The following NBAS variants were observed in gnomAD, a reference collection of about 807,000 sequenced individuals.
NBAS encodes the protein NBAS subunit of NRZ tethering complex, also known as NAG/BC035112 fusion.
In NBAS, 219 loss-of-function variants were observed where a neutral mutation model predicts 302.5. The ratio of observed to expected loss-of-function variants is 0.72; its 90% CI spans 0.65 to 0.81. The LOEUF is 0.81. NBAS is among the 30% of genes least tolerant of loss of function. NBAS has a pLI of 0.00. For synonymous variants in NBAS, 1,118 were observed against 1,021.6 expected, an observed-to-expected ratio of 1.09 and a Z score of -1.80; for missense variants, 2,932 against 2,841.6, an observed-to-expected ratio of 1.03 and a Z score of -0.72.
the NBAS span, among the ~76,000 whole-genome samples, chr2:14,900,933 T>C: frequency 6.6e-6 from 1 of 152,224 alleles, no homozygotes; most frequent in Non-Finnish European, 1.5e-5. Context: ...CCTGAATATC[T>C]ATGCCAAGTT....
the NBAS span, among the ~76,000 whole-genome samples, chr2:14,809,381 T>A: frequency 1.3e-5 from 2 of 152,180 alleles, no homozygotes; most frequent in African/African-American, 4.8e-5. Context: ...AGGGACTTGG[T>A]GCCCTGTGTT....
chr2:14,909,600 T>C, the NBAS span, among the ~76,000 whole-genome samples: 1 of 152,200 alleles, frequency 6.6e-6, no homozygotes, highest in Non-Finnish European at 1.5e-5. Flanking sequence ...AATAGGATAT[T>C]TCTATCGTCT....
chr2:15,176,794 T>C (rs758877667), intron 51 of NBAS, among the ~76,000 whole-genome samples: 2 of 152,194 alleles, frequency 1.3e-5, no homozygotes, highest in Non-Finnish European at 2.9e-5. Flanking sequence ...TCAACCTGTA[T>C]ACTCTAGTCA....
At chr2:15,169,158 CCT>C in intron 51 of NBAS, among the ~76,000 whole-genome samples, 1 of 152,256 alleles carries the variant, frequency 6.6e-6, no homozygotes, top group Non-Finnish European at 1.5e-5. Context: ...AACAGAAGAC[CCT>C]CTCTGCAAAC....
chr2:15,437,784 G>A (rs1321858780), intron 21 of NBAS, among the ~76,000 whole-genome samples: 3 of 152,124 alleles, frequency 2.0e-5, no homozygotes, highest in Non-Finnish European at 4.4e-5. Flanking sequence ...CAAAGGTATT[G>A]CTCCTGCCCT....
At chr2:14,792,963 T>G in the NBAS span, among the ~76,000 whole-genome samples, 3 of 152,068 alleles carry the variant, frequency 2.0e-5, no homozygotes, top group African/African-American at 7.2e-5. Flanking sequence ...TAGAAGTAAT[T>G]AAGGTTCAAT....
At chr2:14,851,485 G>A in the NBAS span, among the ~76,000 whole-genome samples, 5 of 146,294 alleles carry the variant, frequency 3.4e-5, no homozygotes, top group Admixed American at 6.7e-5. Context: ...ATTCACAGCC[G>A]AATTCTACCA....
intron 10 of NBAS, among the ~76,000 whole-genome samples, chr2:15,505,551 G>T (rs1160902083): frequency 6.6e-6 from 1 of 152,056 alleles, no homozygotes. Flanking sequence ...GAGGATCCAC[G>T]CCCCCTCCTG....
At chr2:15,512,733 A>G (rs953973674) in intron 9 of NBAS, among the ~76,000 whole-genome samples, 1 of 152,178 alleles carries the variant, frequency 6.6e-6, no homozygotes, top group Admixed American at 6.5e-5. Flanking sequence ...AAAAGGCAAC[A>G]AAATAGATTC....
At chr2:15,533,679 CGTGTGTGTGTGTGTGTGTGTGTGT>C (rs59222907) in intron 9 of NBAS, among the ~76,000 whole-genome samples, 18 of 143,938 alleles carry the variant, frequency 1.3e-4, no homozygotes, top group South Asian at 2.3e-4. Flanking sequence ...GGGGGGTGTG[CGTGTGTGTGTGTGTGTGTGTGTGT>C]GTGTGTGTGT....
At chr2:15,354,002 C>T (rs1673494402) in intron 33 of NBAS, among the ~76,000 whole-genome samples, 1 of 152,132 alleles carries the variant, frequency 6.6e-6, no homozygotes, top group Non-Finnish European at 1.5e-5. Context: ...ATTTGGTGTT[C>T]TGTGAAAAGG....
At chr2:15,455,218 GT>G (rs1355375487) in intron 21 of NBAS, among the ~76,000 whole-genome samples, 3 of 152,162 alleles carry the variant, frequency 2.0e-5, no homozygotes, top group South Asian at 2.1e-4. Flanking sequence ...TATAATTTTT[GT>G]TAGGTTACTA....
the NBAS span, among the ~76,000 whole-genome samples, chr2:14,904,562 TCACA>T: frequency 6.7e-6 from 1 of 148,170 alleles, no homozygotes; most frequent in Non-Finnish European, 1.5e-5. Flanking sequence ...ATAGGCTGTG[TCACA>T]GTCAGCTGTG....
At chr2:15,005,822 C>T in the NBAS span, among the ~76,000 whole-genome samples, 2 of 152,206 alleles carry the variant, frequency 1.3e-5, no homozygotes, top group East Asian at 3.9e-4. Flanking sequence ...TAGCTTGAAC[C>T]ATATTGCCGT....
At chr2:15,545,024 T>C (rs1664036094) in intron 6 of NBAS, among the ~76,000 whole-genome samples, 1 of 140,066 alleles carries the variant, frequency 7.1e-6, no homozygotes, top group East Asian at 2.0e-4. Flanking sequence ...AAAAAAAAAA[T>C]ATATCCAATA....
intron 40 of NBAS, among the ~76,000 whole-genome samples, chr2:15,307,594 C>T (rs1238114753): frequency 1.3e-5 from 2 of 152,174 alleles, no homozygotes; most frequent in Non-Finnish European, 2.9e-5. Context: ...TAAAACTGGT[C>T]TGTCTATACA....
chr2:15,049,376 G>T, the NBAS span, among the ~76,000 whole-genome samples: 1 of 152,204 alleles, frequency 6.6e-6, no homozygotes, highest in Non-Finnish European at 1.5e-5. Flanking sequence ...CCTCTCTGGG[G>T]CCTTGCCTTC....
the NBAS span, among the ~76,000 whole-genome samples, chr2:15,023,114 G>C: frequency 6.6e-6 from 1 of 151,870 alleles, no homozygotes; most frequent in African/African-American, 2.4e-5. Flanking sequence ...ATACATATCT[G>C]TATGCATATA....
chr2:15,264,141 C>T (rs1343831668), intron 44 of NBAS, among the ~76,000 whole-genome samples: 1 of 152,182 alleles, frequency 6.6e-6, no homozygotes, highest in Non-Finnish European at 1.5e-5. Context: ...TAAACAGCTG[C>T]AGAACCATGA....
Sources: allele counts gnomAD v4.1 joint callset (sites outside exome capture counted in the v4.1 genomes callset), GRCh38; gene constraint gnomAD v4.1.1; transcripts MANE v1.5; gene names NCBI Gene and HGNC (gene_info 2026-07-23, HGNC 2026-07-21).